Variants in GTF2F2 observed in about 807,000 individuals in gnomAD.
GTF2F2 encodes the protein ATP-dependent helicase GTF2F2.
A neutral mutation model predicts 42.2 loss-of-function variants in GTF2F2; 23 were observed. The observed-to-expected ratio is 0.55, with a 90% CI of 0.39 to 0.77. GTF2F2 has a LOEUF of 0.77. GTF2F2 is among the 30% of genes least tolerant of loss of function. GTF2F2 has a pLI of 0.00. For synonymous variants in GTF2F2, 105 were observed against 100.8 expected (o/e 1.04, Z -0.25); for missense variants, 261 against 287.2 (o/e 0.91, Z 0.66).
rs563596862 is a variant in GTF2F2, at chr13:45,153,176, A to AT, written c.304+1360dup. ...AGGTGCCCGCCACCATGCCCGGCTA[A>AT]TTTTTTTTTTTTTTTGTATTTTTAG... On this transcript the variant is annotated intron_variant, in intron 4 of 7. Coordinates refer to ENST00000340473, the MANE Select transcript of GTF2F2 (RefSeq NM_004128.3). Among the ~76,000 whole-genome samples the AT allele has an allele frequency of 4.8e-3, 674 of 141,640 alleles. 4 individuals are homozygous for AT. Among genetic ancestry groups the AT allele is most frequent in the African/African-American group, 5.7e-3 (222 of 38,998 alleles). 92.9% of individuals were successfully genotyped at this position (141,640 alleles called of 152,430 possible). A position where few individuals can be genotyped will look rare whatever the true frequency, so the allele number is the denominator to read the frequency against.
chr13:45,236,474 C>T lies in GTF2F2; in HGVS notation c.387-16397C>T, dbSNP rs193103740. Among the ~76,000 whole-genome samples the T allele has an allele frequency of 2.2e-3, 321 of 147,256 alleles. 1 individual carries two copies. Among genetic ancestry groups the T allele is most frequent in the African/African-American group, 8.1e-3 (310 of 38,240 alleles). On this transcript the variant is annotated intron_variant, in intron 5 of 7. Transcript: ENST00000340473. Reference sequence around the variant, plus strand: ...CTAAGTGCTCTCTAAATTGATTCCTCACCCCCCGCCACACATACACACACA... The same window carrying T: ...CTAAGTGCTCTCTAAATTGATTCCTTACCCCCCGCCACACATACACACACA...
At chr13:45,269,675 C>G (rs1876710085) in intron 7 of GTF2F2, among the ~76,000 whole-genome samples, 1 of 152,136 alleles carries the variant, frequency 6.6e-6, no homozygotes. Flanking sequence ...GTATGAGATC[C>G]TAGTTCAAGT....
intron 4 of GTF2F2, among the ~76,000 whole-genome samples, chr13:45,185,165 C>G (rs1467497314): frequency 1.3e-5 from 2 of 152,056 alleles, no homozygotes; most frequent in South Asian, 4.1e-4. Context: ...TTATAGTATA[C>G]CTAAAAATGT....
intron 7 of GTF2F2, among the ~76,000 whole-genome samples, chr13:45,274,266 A>C (rs543324597): frequency 1.3e-5 from 2 of 152,086 alleles, no homozygotes; most frequent in East Asian, 3.9e-4. Flanking sequence ...TTATAAGCTG[A>C]AGCAGCCTCC....
chr13:45,283,578 C>T lies in GTF2F2; in HGVS notation c.*17C>T. ...AGTGACTAAGAAGACTCCTAGCCAG[C>T]ATGCTAGTGAAACGACTAGCAGCGA... On this transcript the variant is annotated 3_prime_UTR_variant, in exon 8 of 8. Transcript: ENST00000340473. The T allele has an allele frequency of 6.3e-7, 1 of 1,580,826 alleles. No homozygotes were observed.
chr13:45,196,034 A>T (rs1003092459), intron 4 of GTF2F2, among the ~76,000 whole-genome samples: 2 of 152,242 alleles, frequency 1.3e-5, no homozygotes, highest in Admixed American at 6.5e-5. Flanking sequence ...GTATGTTGAC[A>T]TAGGAATATT....
intron 2 of GTF2F2, among the ~76,000 whole-genome samples, chr13:45,144,853 TA>T (rs1283841633): frequency 2.0e-5 from 3 of 152,198 alleles, no homozygotes; most frequent in Non-Finnish European, 2.9e-5. Flanking sequence ...GTTATACTGA[TA>T]ATATGATGAC....
intron 7 of GTF2F2, among the ~76,000 whole-genome samples, chr13:45,273,795 C>G (rs1876907448): frequency 6.6e-6 from 1 of 151,814 alleles, no homozygotes; most frequent in South Asian, 2.1e-4. Context: ...GCTGGGATTA[C>G]AGGTGCCCGC....
chr13:45,188,330 G>A (rs959040164), intron 4 of GTF2F2, among the ~76,000 whole-genome samples: 1 of 152,186 alleles, frequency 6.6e-6, no homozygotes, highest in Non-Finnish European at 1.5e-5. Context: ...TGAATAGAAT[G>A]AAAACCATGC....
intron 2 of GTF2F2, among the ~76,000 whole-genome samples, chr13:45,142,066 A>G (rs994897922): frequency 6.6e-5 from 10 of 152,004 alleles, no homozygotes; most frequent in Non-Finnish European, 8.8e-5. Context: ...TGTTTTTCTC[A>G]CTTTAGTCTT....
At position 45,267,311 on chromosome 13, in the gene GTF2F2, T is replaced by C; in HGVS notation, c.565T>C (p.Ser189Pro). ...ACAACATGTTTTAGACATGCTATTT[T>C]CAGCCTTTGAGAAACATCAATACTA... ...DKQHVLDMLF[S>P]AFEKHQYYNL... Residue 189 changes from serine to proline, a missense_variant, in exon 7 of 8, where the codon TCA (serine) becomes CCA (proline). Physicochemically the swap from Ser to Pro is moderately conservative, Grantham distance 74. Coordinates refer to ENST00000340473, the MANE Select transcript of GTF2F2 (RefSeq NM_004128.3). 1 of 1,611,620 alleles carries C rather than the reference T, an allele frequency of 6.2e-7. No individual in the cohort carries two copies. The highest frequency in any genetic ancestry group is 1.1e-5 in the South Asian group (1 of 90,950).
intron 1 of GTF2F2, among the ~76,000 whole-genome samples, chr13:45,125,157 G>A (rs891036280): frequency 1.3e-5 from 2 of 152,220 alleles, no homozygotes; most frequent in Non-Finnish European, 2.9e-5. Context: ...AACCGGTAAA[G>A]TAGGTATTAA....
Position 45,194,056 on chromosome 13 carries a change from C to T in GTF2F2, c.305-13368C>T, listed in dbSNP as rs1361007987. On this transcript the variant is annotated intron_variant, in intron 4 of 7. Coordinates refer to ENST00000340473, the MANE Select transcript of GTF2F2 (RefSeq NM_004128.3). ...CCTGCTTTTGGACACCAGAACAATGCGAGACTTTATTTTTGATATGAAATC... is the reference window on the plus strand; with the variant it reads ...CCTGCTTTTGGACACCAGAACAATGTGAGACTTTATTTTTGATATGAAATC... 22 of 1,614,092 alleles carry T rather than the reference C, an allele frequency of 1.4e-5. No individual in the cohort carries two copies. Among genetic ancestry groups the T allele is most frequent in the South Asian group, 2.2e-5 (2 of 91,084 alleles).
chr13:45,245,701 A>G lies in GTF2F2; in HGVS notation c.387-7170A>G, dbSNP rs1193636346. ...TATATATATATATATATATATATATACATATACATACACACACACACACAC... is the reference window on the plus strand; with the variant it reads ...TATATATATATATATATATATATATGCATATACATACACACACACACACAC... On this transcript the variant is annotated intron_variant, in intron 5 of 7. Coordinates refer to ENST00000340473, the MANE Select transcript of GTF2F2 (RefSeq NM_004128.3). 6.2e-5 allele frequency among the ~76,000 whole-genome samples: 4 copies of G among 64,172 alleles called. No individual in the cohort carries two copies. In the African/African-American group the frequency reaches 6.4e-4, roughly 10 times the overall value. 42.1% of individuals were successfully genotyped at this position (64,172 alleles called of 152,430 possible). A position where few individuals can be genotyped will look rare whatever the true frequency, so the allele number is the denominator to read the frequency against.
At chr13:45,274,007 A>T (rs1414474388) in intron 7 of GTF2F2, among the ~76,000 whole-genome samples, 2 of 152,054 alleles carry the variant, frequency 1.3e-5, no homozygotes, top group African/African-American at 4.8e-5. Context: ...CGGTGTTCGA[A>T]GCCTCCCATT....
intron 5 of GTF2F2, among the ~76,000 whole-genome samples, chr13:45,226,401 T>C (rs567803367): frequency 6.6e-6 from 1 of 152,296 alleles, no homozygotes; most frequent in East Asian, 1.9e-4. Context: ...AATAATCCTT[T>C]CCTTCAGAGG....
chr13:45,148,617 C>T (rs1339750790), intron 2 of GTF2F2, among the ~76,000 whole-genome samples: 1 of 152,160 alleles, frequency 6.6e-6, no homozygotes, highest in Non-Finnish European at 1.5e-5. Flanking sequence ...GATCCTGGTG[C>T]ATTGTGGCTC....
intron 4 of GTF2F2, chr13:45,194,687 A>C (rs932860114): frequency 8.4e-5 from 76 of 901,864 alleles, no homozygotes; most frequent in Middle Eastern, 6.3e-4. Context: ...AAACGCTGGC[A>C]GCATCGCCTG....
chr13:45,151,047 G>C (rs1870466370), intron 3 of GTF2F2, among the ~76,000 whole-genome samples: 1 of 152,120 alleles, frequency 6.6e-6, no homozygotes, highest in African/African-American at 2.4e-5. Context: ...ATGATGCTGA[G>C]ATTTGGGCTG....
Sources: allele counts gnomAD v4.1 joint callset (sites outside exome capture counted in the v4.1 genomes callset), GRCh38; gene constraint gnomAD v4.1.1; transcripts MANE v1.5; gene names NCBI Gene and HGNC (gene_info 2026-07-23, HGNC 2026-07-21).